Variants in FRG1 observed in about 807,000 individuals in gnomAD.
FRG1 encodes the protein FSHD region gene 1.
FRG1 carries 19 observed loss-of-function variants against 37.0 expected under a neutral mutation model. The observed-to-expected ratio is 0.51, with a 90% confidence interval of 0.36 to 0.75. The LOEUF is 0.75. Ranked by LOEUF, FRG1 falls within the 30% of genes least tolerant of loss-of-function variation. FRG1 has a pLI of 0.00. For missense variants in FRG1, 243 were observed against 301.4 expected, an observed-to-expected ratio of 0.81 and a Z score of 1.44; for synonymous variants, 73 against 96.5, an observed-to-expected ratio of 0.76 and a Z score of 1.43.
intron 2 of FRG1, 129 bp downstream of exon 2, chr4:189,943,401 A>G: frequency 9.8e-7 from 1 of 1,017,204 alleles, no homozygotes; most frequent in Non-Finnish European, 1.4e-6. Flanking sequence ...TATTACCTAC[A>G]GTTATAAATT....
Position 189,940,943 on chromosome 4 carries a change from GC to G in FRG1, c.-66del. The G allele has an allele frequency of 1.4e-5, 18 of 1,309,524 alleles. No homozygotes were observed. Among genetic ancestry groups the G allele is most frequent in the Non-Finnish European group, 2.0e-5 (18 of 911,786 alleles). The allele number at this position is 1,309,524 out of a possible 1,614,324, so 81.1% of individuals were successfully genotyped here. ...CGCTTCTGTTTCTCCGCGCCCCTGT[GC>G]TGCCCCGACTCACATACTCGTCCAG... On this transcript the variant is annotated 5_prime_UTR_variant, in exon 1 of 9. Transcript: ENST00000226798.
chr4:189,956,604 C>A (rs1444508529), intron 5 of FRG1, among the ~76,000 whole-genome samples: 3 of 152,152 alleles, frequency 2.0e-5, no homozygotes, highest in Non-Finnish European at 4.4e-5. Context: ...GACCACCCAG[C>A]CCTTGTGACC....
intron 6 of FRG1, among the ~76,000 whole-genome samples, chr4:189,960,225 CAT>C (rs1391900201): frequency 2.6e-5 from 4 of 152,138 alleles, no homozygotes; most frequent in Non-Finnish European, 4.4e-5. Context: ...TAACTTATGA[CAT>C]GTGGTAGTAA....
At chr4:189,949,922 G>T (rs1319537940) in intron 2 of FRG1, among the ~76,000 whole-genome samples, 1 of 152,134 alleles carries the variant, frequency 6.6e-6, no homozygotes, top group African/African-American at 2.4e-5. Context: ...ATTTTTACGT[G>T]TATGCTTCAG....
At chr4:189,943,535 A>G (rs1405849743) in intron 2 of FRG1, among the ~76,000 whole-genome samples, 3 of 152,242 alleles carry the variant, frequency 2.0e-5, no homozygotes, top group Non-Finnish European at 4.4e-5. Context: ...ATTCTAATAC[A>G]TAATTTTAAA....
intron 5 of FRG1, among the ~76,000 whole-genome samples, chr4:189,956,139 CT>C (rs1395166980): frequency 6.6e-6 from 1 of 152,170 alleles, no homozygotes; most frequent in Admixed American, 6.5e-5. Flanking sequence ...CTTAACAATA[CT>C]TACTTATCCA....
Position 189,962,034 on chromosome 4 carries a change from G to A in FRG1, c.740+102G>A, listed in dbSNP as rs1165643903. On this transcript the variant is annotated intron_variant, in intron 8 of 8. Transcript: ENST00000226798. ...AATTACTGTAGTTTTTCACATTTTTGTCTTTATTTCTAATTTATGAGTGTG... is the reference window on the plus strand; with the variant it reads ...AATTACTGTAGTTTTTCACATTTTTATCTTTATTTCTAATTTATGAGTGTG... The A allele has an allele frequency of 1.0e-5, 7 of 700,830 alleles. No individual in the cohort carries two copies. In the South Asian group the frequency reaches 1.1e-4, roughly 11 times the overall value. The allele number at this position is 700,830 out of a possible 1,614,324, so 43.4% of individuals were successfully genotyped here.
intron 2 of FRG1, among the ~76,000 whole-genome samples, chr4:189,946,517 A>C (rs1231220505): frequency 1.3e-5 from 2 of 150,868 alleles, no homozygotes; most frequent in Non-Finnish European, 3.0e-5. Flanking sequence ...ACTTATTTTC[A>C]GTTTACTTTG....
intron 5 of FRG1, among the ~76,000 whole-genome samples, chr4:189,955,353 A>G (rs1337875779): frequency 1.3e-5 from 2 of 152,222 alleles, no homozygotes; most frequent in Non-Finnish European, 2.9e-5. Context: ...TTTGCCCACA[A>G]TTATTTCTGT....
chr4:189,955,001 C>A, intron 4 of FRG1, 36 bp from the exon 5 acceptor site: 1 of 1,305,144 alleles, frequency 7.7e-7, no homozygotes, highest in East Asian at 2.3e-5. Context: ...AATTTTCTCT[C>A]AGTCTTTAAC....
intron 2 of FRG1, among the ~76,000 whole-genome samples, chr4:189,947,442 C>T (rs145357633): frequency 1.3e-5 from 2 of 152,104 alleles, no homozygotes; most frequent in African/African-American, 2.4e-5. Flanking sequence ...TTTGACCACC[C>T]TTTTGCTCCT....
At chr4:189,962,977 G>A (rs1370813539) in intron 8 of FRG1, 116 bp from the exon 9 acceptor site, 2 of 534,502 alleles carry the variant, frequency 3.7e-6, no homozygotes, top group Non-Finnish European at 6.7e-6. Context: ...TAATAAAAGT[G>A]TTGTGGTAAT....
Position 189,941,051 on chromosome 4 carries a change from C to G in FRG1, c.42C>G (p.Leu14=). 1.9e-6 allele frequency: 3 copies of G among 1,614,110 alleles called. No individual in the cohort carries two copies. The highest frequency in any genetic ancestry group is 2.5e-6 in the Non-Finnish European group (3 of 1,179,974). Residue 14 remains leucine, a synonymous_variant, in exon 1 of 9, where the codon CTC becomes CTG. Transcript: ENST00000226798. ...ACGTGAAGTCTACCAAGCTCGTGCT[C>G]AAGGGAACCAAGACGAAGAGGTGGG... ...YSYVKSTKLV[L]KGTKTKSKKK...
intron 2 of FRG1, 68 bp from the exon 3 acceptor site, chr4:189,952,091 TATA>T: frequency 2.7e-6 from 3 of 1,112,044 alleles, no homozygotes; most frequent in Middle Eastern, 3.2e-4. Flanking sequence ...AAAATTAAGT[TATA>T]ATAACAAAAA....
intron 1 of FRG1, among the ~76,000 whole-genome samples, chr4:189,942,218 T>C (rs933093000): frequency 6.6e-6 from 1 of 152,206 alleles, no homozygotes; most frequent in Non-Finnish European, 1.5e-5. Context: ...CTCTTGGTTT[T>C]TTATTTTTTT....
chr4:189,956,779 T>C (rs1398459123), intron 5 of FRG1, among the ~76,000 whole-genome samples: 5 of 152,246 alleles, frequency 3.3e-5, no homozygotes, highest in African/African-American at 9.6e-5. Flanking sequence ...ATAAACATTA[T>C]ATTTGTTAAG....
At chr4:189,950,159 C>T (rs1203656123) in intron 2 of FRG1, among the ~76,000 whole-genome samples, 1 of 152,126 alleles carries the variant, frequency 6.6e-6, no homozygotes, top group African/African-American at 2.4e-5. Flanking sequence ...TTTTCAAGTG[C>T]TTATTGGCCA....
chr4:189,949,497 C>T (rs368098933), intron 2 of FRG1, among the ~76,000 whole-genome samples: 1 of 152,152 alleles, frequency 6.6e-6, no homozygotes, highest in Non-Finnish European at 1.5e-5. Context: ...TGTATCATTT[C>T]CCTACTTGGA....
chr4:189,955,596 C>CT lies in FRG1; in HGVS notation c.432+448dup, dbSNP rs573232175. On this transcript the variant is annotated intron_variant, in intron 5 of 8. Coordinates refer to ENST00000226798, the MANE Select transcript of FRG1 (RefSeq NM_004477.3). ...ATTGAAGTAAATTATCTCTAAAAGA[C>CT]TTTCAGTTCATAAGCTTAAAATAGC... Among the ~76,000 whole-genome samples, 213 of 152,168 alleles carry CT rather than the reference C, an allele frequency of 1.4e-3. 2 individuals carry two copies. The highest frequency in any genetic ancestry group is 0.013 in the Admixed American group (196 of 15,290).
Sources: allele counts gnomAD v4.1 joint callset (sites outside exome capture counted in the v4.1 genomes callset), GRCh38; gene constraint gnomAD v4.1.1; transcripts MANE v1.5; gene names NCBI Gene and HGNC (gene_info 2026-07-23, HGNC 2026-07-21).